The following SUGCT variants were observed in gnomAD, a reference collection of about 807,000 sequenced individuals.
SUGCT encodes the protein succinyl-CoA:glutarate-CoA transferase, also known as succinyl-CoA:glutarate CoA-transferase.
In SUGCT, 41 loss-of-function variants were observed where a neutral mutation model predicts 55.0. The ratio of observed to expected loss-of-function variants is 0.74; its 90% CI spans 0.58 to 0.97. The LOEUF (loss-of-function observed/expected upper bound fraction) is 0.97. Ranked by LOEUF, SUGCT falls within the 50% of genes least tolerant of loss-of-function variation. SUGCT has a pLI of 0.00. For synonymous variants in SUGCT, 187 were observed against 200.4 expected (o/e 0.93, Z 0.56); for missense variants, 568 against 547.8 (o/e 1.04, Z -0.37).
intron 9 of SUGCT, among the ~76,000 whole-genome samples, chr7:40,441,934 G>T (rs1186988373): frequency 6.6e-6 from 1 of 152,012 alleles, no homozygotes; most frequent in Non-Finnish European, 1.5e-5. Context: ...CTGGGTGGGG[G>T]GTCTCAGGAC....
intron 6 of SUGCT, among the ~76,000 whole-genome samples, chr7:40,215,697 C>T (rs1787588148): frequency 6.6e-6 from 1 of 151,928 alleles, no homozygotes; most frequent in South Asian, 2.1e-4. Flanking sequence ...CCCGTCGCTA[C>T]TAAAAATACA....
At chr7:40,926,275 G>A in the SUGCT span, among the ~76,000 whole-genome samples, 1 of 151,926 alleles carries the variant, frequency 6.6e-6, no homozygotes, top group Non-Finnish European at 1.5e-5. Context: ...GGAAATCATA[G>A]AAACTAACTC....
intron 7 of SUGCT, among the ~76,000 whole-genome samples, chr7:40,272,667 T>TTATTA (rs1562634311): frequency 5.0e-5 from 7 of 140,316 alleles, no homozygotes; most frequent in African/African-American, 1.1e-4. Context: ...TATTATTATT[T>TTATTA]TTTTTTTTTT....
At chr7:41,004,165 G>A in the SUGCT span, among the ~76,000 whole-genome samples, 1 of 152,176 alleles carries the variant, frequency 6.6e-6, no homozygotes. Flanking sequence ...AGGAGGGAGA[G>A]GCAGAGCATG....
chr7:40,524,842 A>G (rs1231369165), intron 12 of SUGCT, among the ~76,000 whole-genome samples: 3 of 152,274 alleles, frequency 2.0e-5, no homozygotes, highest in Non-Finnish European at 2.9e-5. Flanking sequence ...TCTTTCAGCA[A>G]TGATTTGTGG....
At chr7:40,854,391 ATTTTTTTCTTTCTTTCTTTCTTTCTTTCC>A (rs1164724473) in intron 13 of SUGCT, among the ~76,000 whole-genome samples, 3 of 124,960 alleles carry the variant, frequency 2.4e-5, no homozygotes, top group African/African-American at 5.9e-5. Context: ...GTGTATCAAA[ATTTTTTTCTTTCTTTCTTTCTTTCTTTCC>A]TTTCTTTCTT....
the SUGCT span, among the ~76,000 whole-genome samples, chr7:40,885,147 G>C: frequency 6.6e-6 from 1 of 152,168 alleles, no homozygotes. Context: ...CCGAGGTTAT[G>C]GTATTGGTGT....
At chr7:40,672,858 C>T (rs986651381) in intron 12 of SUGCT, among the ~76,000 whole-genome samples, 11 of 152,100 alleles carry the variant, frequency 7.2e-5, no homozygotes, top group Admixed American at 6.5e-4. Flanking sequence ...GCCTCCTTTT[C>T]GTGTGTACAA....
the SUGCT span, among the ~76,000 whole-genome samples, chr7:40,951,489 C>G: frequency 6.6e-6 from 1 of 152,144 alleles, no homozygotes; most frequent in Non-Finnish European, 1.5e-5. Flanking sequence ...TTCTTGCCTT[C>G]TGCTAGCTTT....
At position 40,212,803 on chromosome 7, in the gene SUGCT, G is replaced by C. The variant is rs1310993404; in HGVS notation, c.484+17743G>C. ...CCACCTTGGCCTCCCAAAGTGCTGG[G>C]ATTACAGGTGTGAGCCACTATACTC... On this transcript the variant is annotated intron_variant, in intron 6 of 13. Transcript: ENST00000335693. 2.0e-5 allele frequency among the ~76,000 whole-genome samples: 3 copies of C among 152,148 alleles called. No homozygotes were observed. In the East Asian group the frequency reaches 5.8e-4, roughly 29 times the overall value.
intron 13 of SUGCT, among the ~76,000 whole-genome samples, chr7:40,751,729 C>T (rs1194475264): frequency 6.6e-6 from 1 of 152,118 alleles, no homozygotes; most frequent in African/African-American, 2.4e-5. Flanking sequence ...CACTTAACCC[C>T]ACAAGTTTAC....
chr7:40,869,663 C>T, the SUGCT span, among the ~76,000 whole-genome samples: 7 of 129,362 alleles, frequency 5.4e-5, no homozygotes, highest in East Asian at 5.0e-4. Context: ...AATATACCCA[C>T]GAATGTCATT....
rs187353836 is a variant in SUGCT at position 40,524,557 on chromosome 7, C to T, written c.1089+28171C>T. Among the ~76,000 whole-genome samples, 6 of 152,132 alleles carry T rather than the reference C, an allele frequency of 3.9e-5. No homozygotes were observed. In the East Asian group the frequency reaches 1.2e-3, roughly 29 times the overall value. ...TCCAATTCTTTCTGTTCTTCCTCCTCTTCTTCTTTGCTTTTTTCTGAACAT... is the reference window on the plus strand; with the variant it reads ...TCCAATTCTTTCTGTTCTTCCTCCTTTTCTTCTTTGCTTTTTTCTGAACAT... On this transcript the variant is annotated intron_variant, in intron 12 of 13. Transcript: ENST00000335693.
intron 12 of SUGCT, among the ~76,000 whole-genome samples, chr7:40,713,340 C>T (rs1284488201): frequency 6.6e-6 from 1 of 152,178 alleles, no homozygotes; most frequent in African/African-American, 2.4e-5. Context: ...CTGTGCCTGG[C>T]CTCCGAGCAT....
chr7:40,908,901 T>C, the SUGCT span, among the ~76,000 whole-genome samples: 7,860 of 152,322 alleles, frequency 0.052, 301 homozygotes, highest in South Asian at 0.17. Context: ...TGCGCTTTTC[T>C]GTATGTATAT....
intron 6 of SUGCT, among the ~76,000 whole-genome samples, chr7:40,215,096 A>G (rs10452813): frequency 0.038 from 5,718 of 152,182 alleles, 341 homozygotes; most frequent in African/African-American, 0.13. Context: ...GGGTCTATCA[A>G]AATTAAAGAT....
At chr7:40,807,272 GT>G (rs1477741732) in intron 13 of SUGCT, among the ~76,000 whole-genome samples, 1 of 152,078 alleles carries the variant, frequency 6.6e-6, no homozygotes, top group Non-Finnish European at 1.5e-5. Context: ...GTACAGGTTT[GT>G]CACATAGGTA....
chr7:40,875,131 G>C, the SUGCT span, among the ~76,000 whole-genome samples: 1 of 152,322 alleles, frequency 6.6e-6, no homozygotes, highest in Non-Finnish European at 1.5e-5. Flanking sequence ...TTCTGAGATA[G>C]ATTGGAAATT....
intron 13 of SUGCT, among the ~76,000 whole-genome samples, chr7:40,756,924 A>T (rs963722843): frequency 1.3e-5 from 2 of 152,208 alleles, no homozygotes; most frequent in Non-Finnish European, 2.9e-5. Context: ...AAGTTTCTAG[A>T]GTCTGTCAAC....
Sources: gnomAD v4.1 joint callset for allele counts (sites outside exome capture counted in the v4.1 genomes callset) on GRCh38, gnomAD v4.1.1 for gene constraint, MANE v1.5 for transcripts, NCBI Gene and HGNC (gene_info 2026-07-23, HGNC 2026-07-21) for gene names.